The following SBF1 variants were observed in gnomAD, a reference collection of about 807,000 sequenced individuals.
The protein encoded by SBF1 is SET binding factor 1.
SBF1 carries 65 observed loss-of-function variants against 215.8 expected under a neutral mutation model. The observed-to-expected ratio is 0.30, with a 90% CI of 0.25 to 0.37. The LOEUF (loss-of-function observed/expected upper bound fraction) is 0.37, where lower values mean the gene tolerates loss of function less well. Ranked by LOEUF, SBF1 falls within the 10% of genes least tolerant of loss-of-function variation. SBF1 has a pLI of 1.00. For missense variants in SBF1, 2,634 were observed against 2,667.8 expected, an observed-to-expected ratio of 0.99 and a Z score of 0.28; for synonymous variants, 1,410 against 1,122.8, an observed-to-expected ratio of 1.26 and a Z score of -5.11.
At chr22:50,459,797 C>A in intron 26 of SBF1, 131 bp from the exon 27 acceptor site, 2 of 1,314,790 alleles carry the variant, frequency 1.5e-6, no homozygotes, top group East Asian at 2.5e-5. Context: ...ACGGGGCCCC[C>A]CAGCCACCCC....
In SBF1 at chr22:50,448,398, C is replaced by T. The variant is rs1318826489; in HGVS notation, c.5198G>A (p.Arg1733His). ...CTCCTGCAGGTACACACCCAGCGAGCGACGGTGGTGGGGTGCGGTGGACAC... is the reference window on the plus strand; with the variant it reads ...CTCCTGCAGGTACACACCCAGCGAGTGACGGTGGTGGGGTGCGGTGGACAC... Reference protein sequence around the residue: ...LLVSTAPHHRRSLGVYLQEGP... With the variant: ...LLVSTAPHHRHSLGVYLQEGP... Residue 1733 changes from arginine to histidine, a missense_variant, in exon 38 of 41, where the codon CGC becomes CAC. Coordinates refer to ENST00000380817, the MANE Select transcript of SBF1 (RefSeq NM_002972.4). 4.3e-6 allele frequency: 7 copies of T among 1,613,862 alleles called. No homozygotes were observed. The highest frequency in any genetic ancestry group is 2.2e-5 in the East Asian group (1 of 44,882).
At position 50,462,359 on chromosome 22, in the gene SBF1, T is replaced by C. The variant is rs1433717897; in HGVS notation, c.2242A>G (p.Lys748Glu). ...TGGCTGAACACCGTGCTCTCCTCCT[T>C]CTGCACCAGCTCCTGCTGCTTCTCA... ...SREKQQELVQ[K>E]EESTVFSQAI... Residue 748 changes from lysine to glutamate, a missense_variant, in exon 19 of 41, where the codon AAG (lysine) becomes GAG (glutamate). By Grantham distance (56) the Lys-to-Glu change is moderately conservative. Coordinates refer to ENST00000380817, the MANE Select transcript of SBF1 (RefSeq NM_002972.4). The C allele has an allele frequency of 6.2e-7, 1 of 1,614,116 alleles. No individual in the cohort carries two copies. The highest frequency in any genetic ancestry group is 2.2e-5 in the East Asian group (1 of 44,882).
intron 38 of SBF1, 69 bp from the exon 39 acceptor site, chr22:50,447,678 G>T: frequency 2.5e-6 from 3 of 1,182,926 alleles, no homozygotes; most frequent in Non-Finnish European, 2.4e-6. Flanking sequence ...CCCAGCAGTC[G>T]TCCCCCCCTT....
chr22:50,459,584 A>G lies in SBF1; in HGVS notation c.3574T>C (p.Phe1192Leu). Residue 1192 changes from phenylalanine (F) to leucine (L), a missense_variant, in exon 27 of 41, where the codon TTC (phenylalanine) becomes CTC (leucine). By Grantham distance (22) the Phe-to-Leu change is conservative. Coordinates refer to ENST00000380817, the MANE Select transcript of SBF1 (RefSeq NM_002972.4). ...RVSRCYRQNR[F>L]PVVCWRSGRS... ...CCGCTGCGCCAGCAGACCACGGGGAAGCGGTTCTGGCGGTAGCAGCGGGAC... is the reference window on the plus strand; with the variant it reads ...CCGCTGCGCCAGCAGACCACGGGGAGGCGGTTCTGGCGGTAGCAGCGGGAC... 1 of 1,609,754 alleles carries G rather than the reference A, an allele frequency of 6.2e-7. No homozygotes were observed. The highest frequency in any genetic ancestry group is 1.1e-5 in the South Asian group (1 of 90,892).
intron 23 of SBF1, among the ~76,000 whole-genome samples, 166 bp from the exon 24 acceptor site, chr22:50,460,878 C>T (rs924181384): frequency 2.0e-5 from 3 of 152,192 alleles, no homozygotes; most frequent in Non-Finnish European, 4.4e-5. Context: ...CTTGTGTAAA[C>T]TCGAAATCTC....
intron 2 of SBF1, among the ~76,000 whole-genome samples, 165 bp downstream of exon 2, chr22:50,468,211 C>T (rs1011209807): frequency 5.3e-5 from 8 of 152,198 alleles, no homozygotes; most frequent in Non-Finnish European, 2.9e-5. Flanking sequence ...CCGCACAGGC[C>T]GCCGGCCAAG....
rs372907117 is a variant in SBF1 at position 50,465,823 on chromosome 22, C to T, written c.1029G>A (p.Leu343=). 24 of 1,612,544 alleles carry T rather than the reference C, an allele frequency of 1.5e-5. No homozygotes were observed. In the African/African-American group the frequency reaches 2.9e-4, roughly 20 times the overall value. Residue 343 remains leucine, a synonymous_variant, in exon 10 of 41, where the codon CTG becomes CTA. Transcript: ENST00000380817. ...SVLSMVLDPE[L]ELADLAFPPP... ...GAGGGAAGGCGAGGTCAGCCAACTC[C>T]AGCTCCGGGTCCAGGACCTGCCAGC...
Position 50,446,987 on chromosome 22 carries a change from GCGGGGCGGGGA to G in SBF1, c.*144_*154del. On this transcript the variant is annotated 3_prime_UTR_variant, in exon 41 of 41. Transcript: ENST00000380817. ...AATAAGTTAGGGCCGGCCGGGCGGGGCGGGGCGGGGACGGGGGCTGTACACACAAGTGCTGG... is the reference window on the plus strand; with the variant it reads ...AATAAGTTAGGGCCGGCCGGGCGGGGCGGGGGCTGTACACACAAGTGCTGG... The G allele has an allele frequency of 2.7e-6, 2 of 749,174 alleles. No individual in the cohort carries two copies. The highest frequency in any genetic ancestry group is 3.6e-4 in the Middle Eastern group (1 of 2,764). 46.4% of individuals were successfully genotyped at this position (749,174 alleles called of 1,614,324 possible).
rs780031047 is a variant in SBF1 at position 50,455,233 on chromosome 22, G to A, written c.4545C>T (p.Cys1515=). 22 of 1,612,674 alleles carry A rather than the reference G, an allele frequency of 1.4e-5. No individual in the cohort carries two copies. The highest frequency in any genetic ancestry group is 2.2e-5 in the East Asian group (1 of 44,872). The stretch of plus-strand genomic sequence containing the variant: ...ACAGCGGCCTGCCCACCTGGTGTAC[G>A]CAGTCCAGGAACTGCAGGAAGACGG... ...FTPVFLQFLD[C]VHQVHLQFPM... Residue 1515 remains cysteine (C), a synonymous_variant, in exon 33 of 41, where the codon TGC becomes TGT. Coordinates refer to ENST00000380817, the MANE Select transcript of SBF1 (RefSeq NM_002972.4).
chr22:50,455,702 C>G (rs1384955498), intron 31 of SBF1, 120 bp from the exon 32 acceptor site: 1 of 800,850 alleles, frequency 1.2e-6, no homozygotes, highest in East Asian at 2.7e-5. Context: ...CCACAGCCCC[C>G]CAAGCCCTGT....
At chr22:50,470,345 G>C (rs2067952131) in intron 1 of SBF1, among the ~76,000 whole-genome samples, 1 of 152,212 alleles carries the variant, frequency 6.6e-6, no homozygotes, top group Non-Finnish European at 1.5e-5. Flanking sequence ...GATGGGCAGA[G>C]TGGCAGGTCA....
Position 50,446,823 on chromosome 22 carries a change from T to C in SBF1, c.*319A>G, listed in dbSNP as rs1385189403. 2 of 675,766 alleles carry C rather than the reference T, an allele frequency of 3.0e-6. No individual in the cohort carries two copies. Among genetic ancestry groups the C allele is most frequent in the East Asian group, 3.0e-5 (1 of 33,874 alleles). The allele number at this position is 675,766 out of a possible 1,614,324, so 41.9% of individuals were successfully genotyped here. On this transcript the variant is annotated 3_prime_UTR_variant, in exon 41 of 41. Coordinates refer to ENST00000380817, the MANE Select transcript of SBF1 (RefSeq NM_002972.4). ...CAGGAGCGTGGCGTTAGTTCTCTCT[T>C]TATATAGACTCTGGTTCTAGAAACT...
At chr22:50,467,492 C>G in intron 4 of SBF1, 40 bp downstream of exon 4, 1 of 1,613,768 alleles carries the variant, frequency 6.2e-7, no homozygotes, top group African/African-American at 1.3e-5. Context: ...CCGATGGAAG[C>G]ACCCTCGTCG....
Position 50,456,236 on chromosome 22 carries a change from C to T in SBF1, c.4246G>A (p.Asp1416Asn), listed in dbSNP as rs1359953141. The T allele has an allele frequency of 1.9e-6, 3 of 1,612,046 alleles. No homozygotes were observed. The highest frequency in any genetic ancestry group is 2.2e-5 in the East Asian group (1 of 44,894). The stretch of plus-strand genomic sequence containing the variant: ...GAGACCTGGATCAGCCACTCTGAGT[C>T]CTCCAGTGAGCGCAGGAAGGAGGCT... ...SPASFLRSLEDSEWLIQIHKL... is the reference protein window; with the variant it reads ...SPASFLRSLENSEWLIQIHKL... Residue 1416 changes from aspartate to asparagine, a missense_variant, in exon 31 of 41, where the codon GAC becomes AAC. Physicochemically the swap from Asp to Asn is conservative, Grantham distance 23 (BLOSUM62 1). Transcript: ENST00000380817.
intron 29 of SBF1, 127 bp from the exon 30 acceptor site, chr22:50,456,800 A>T: frequency 1.2e-6 from 1 of 854,832 alleles, no homozygotes. Context: ...GGACCCCAGC[A>T]GGGCCGTGCG....
chr22:50,448,270 G>A lies in SBF1; in HGVS notation c.5326C>T (p.Leu1776=). The A allele has an allele frequency of 1.9e-6, 3 of 1,613,134 alleles. No individual in the cohort carries two copies. Among genetic ancestry groups the A allele is most frequent in the East Asian group, 4.5e-5 (2 of 44,892 alleles). The change falls in exon 38 of 41, where the codon CTG becomes TTG. Residue 1776 remains leucine (L), a synonymous_variant. Coordinates refer to ENST00000380817, the MANE Select transcript of SBF1 (RefSeq NM_002972.4). The part of the protein sequence containing the change: ...RQAARRSTST[L]YSQFQTAESE... ...TCTGCTGTCTGGAACTGGCTGTACA[G>A]GGTGCTGGTGCTGCGGCGGGCAGCC... is the stretch of plus-strand genomic sequence containing the variant.
Position 50,446,703 on chromosome 22 carries a change from G to A in SBF1, c.*439C>T, listed in dbSNP as rs1057116592. The A allele has an allele frequency of 9.9e-6, 4 of 404,532 alleles. No homozygotes were observed. The highest frequency in any genetic ancestry group is 6.7e-5 in the East Asian group (1 of 14,862). The allele number at this position is 404,532 out of a possible 1,614,324, so 25.1% of individuals were successfully genotyped here. On this transcript the variant is annotated 3_prime_UTR_variant, in exon 41 of 41. Coordinates refer to ENST00000380817, the MANE Select transcript of SBF1 (RefSeq NM_002972.4). ...GGCACCAGGAGAGGCTCACGAGAAA[G>A]ATGCCAACCTCCCGCCAGGTGGGCC...
chr22:50,446,810 G>C lies in SBF1; in HGVS notation c.*332C>G, dbSNP rs539950812. 4 of 647,734 alleles carry C rather than the reference G, an allele frequency of 6.2e-6. No homozygotes were observed. The African/African-American group carries it at 7.2e-5, about 12-fold the overall frequency. The allele number at this position is 647,734 out of a possible 1,614,324, so 40.1% of individuals were successfully genotyped here. Reference sequence around the variant, plus strand: ...GGGAAGGCAGGCACAGGAGCGTGGCGTTAGTTCTCTCTTTATATAGACTCT... The same window carrying C: ...GGGAAGGCAGGCACAGGAGCGTGGCCTTAGTTCTCTCTTTATATAGACTCT... On this transcript the variant is annotated 3_prime_UTR_variant, in exon 41 of 41. Transcript: ENST00000380817.
At chr22:50,451,702 A>G (rs759660262) in intron 36 of SBF1, among the ~76,000 whole-genome samples, 10 of 152,214 alleles carry the variant, frequency 6.6e-5, no homozygotes, top group Admixed American at 1.3e-4. Context: ...TAAGGCAGAG[A>G]ATCAAAGGGT....
Sources: gnomAD v4.1 joint callset for allele counts (sites outside exome capture counted in the v4.1 genomes callset) on GRCh38, gnomAD v4.1.1 for gene constraint, MANE v1.5 for transcripts, NCBI Gene and HGNC (gene_info 2026-07-23, HGNC 2026-07-21) for gene names.